Variants in STK3 observed in about 807,000 individuals in gnomAD.
STK3 encodes the protein serine/threonine kinase 3, also known as serine/threonine-protein kinase 3.
A neutral mutation model predicts 58.0 loss-of-function variants in STK3; 41 were observed. That is an observed-to-expected ratio of 0.71 (90% CI 0.55 to 0.92). The LOEUF is 0.92. STK3 is among the 40% of genes least tolerant of loss of function. The pLI is 0.00. For synonymous variants in STK3, 170 were observed against 191.0 expected, an observed-to-expected ratio of 0.89 and a Z score of 0.91; for missense variants, 479 against 602.7, an observed-to-expected ratio of 0.79 and a Z score of 2.15.
intron 1 of STK3, among the ~76,000 whole-genome samples, chr8:98,384,163 C>T (rs1817767297): frequency 6.6e-6 from 1 of 152,226 alleles, no homozygotes; most frequent in Non-Finnish European, 1.5e-5. Context: ...GACGTTTCCA[C>T]TTTGGCCTCT....
chr8:98,398,559 A>T (rs1241117426), downstream of STK3, among the ~76,000 whole-genome samples: 1 of 152,160 alleles, frequency 6.6e-6, no homozygotes, highest in Non-Finnish European at 1.5e-5. Flanking sequence ...TCACCATCAG[A>T]CTACAGGCTG....
rs184195062 is a variant in STK3 at position 98,555,458 on chromosome 8, C to T, written c.949-7297G>A. On this transcript the variant is annotated intron_variant, in intron 8 of 10. Coordinates refer to ENST00000419617, the MANE Select transcript of STK3 (RefSeq NM_006281.4). Reference sequence around the variant, plus strand: ...CCTGTTTAGTGAGACAGTTAGACTACTCCTTAAACAGGTGTCCTAAACGGA... The same window carrying T: ...CCTGTTTAGTGAGACAGTTAGACTATTCCTTAAACAGGTGTCCTAAACGGA... Among the ~76,000 whole-genome samples the T allele has an allele frequency of 6.8e-3, 1,028 of 152,208 alleles. 8 individuals carry two copies. Among genetic ancestry groups the T allele is most frequent in the African/African-American group, 0.023 (965 of 41,564 alleles).
At chr8:98,924,869 G>A (rs1839722528) in intron 1 of STK3, among the ~76,000 whole-genome samples, 1 of 152,214 alleles carries the variant, frequency 6.6e-6, no homozygotes, top group Non-Finnish European at 1.5e-5. Flanking sequence ...CCATAGGATA[G>A]TGGAGCCTGG....
rs1186470905 is a variant in STK3, at chr8:98,893,442, GAAAGAAAGA to G, written c.-78-9617_-78-9609del. ...GGAAGGAAAGAAAGAAAGAAAGAAA[GAAAGAAAGA>G]AAGAAAGAAAGAAAGAAAGAAAGAA... On this transcript the variant is annotated intron_variant, in intron 1 of 1. Transcript: ENST00000519420. 5.1e-5 allele frequency among the ~76,000 whole-genome samples: 4 copies of G among 77,988 alleles called. No homozygotes were observed. In the Admixed American group the frequency reaches 5.8e-4, roughly 11 times the overall value. 51.2% of individuals were successfully genotyped at this position (77,988 alleles called of 152,430 possible).
chr8:98,814,663 C>G (rs1834436673), intron 1 of STK3, among the ~76,000 whole-genome samples: 1 of 152,076 alleles, frequency 6.6e-6, no homozygotes, highest in Admixed American at 6.6e-5. Flanking sequence ...TGAAACACCA[C>G]ACCTGGCAAA....
At chr8:98,785,980 C>T (rs999632610) in intron 1 of STK3, among the ~76,000 whole-genome samples, 2 of 152,138 alleles carry the variant, frequency 1.3e-5, no homozygotes, top group African/African-American at 4.8e-5. Flanking sequence ...TGTAGTGCCA[C>T]CACAGAAGGA....
At chr8:98,491,162 CGAGA>C (rs61704241) in intron 10 of STK3, among the ~76,000 whole-genome samples, 91,955 of 142,750 alleles carry the variant, frequency 0.64, 29,911 homozygotes, top group East Asian at 0.74. Context: ...AAAATAAACA[CGAGA>C]GAGAGAGAGA....
rs1267756300 is a variant in STK3, at chr8:98,772,077, A to G, written c.107+2662T>C. On this transcript the variant is annotated intron_variant, in intron 2 of 10. Transcript: ENST00000419617. Reference sequence around the variant, plus strand: ...ACTAAAACTTTTAATTAGTTTTGCTATATTCCATAGATACTGGCACAATGT... The same window carrying G: ...ACTAAAACTTTTAATTAGTTTTGCTGTATTCCATAGATACTGGCACAATGT... Among the ~76,000 whole-genome samples, 5 of 152,238 alleles carry G rather than the reference A, an allele frequency of 3.3e-5. No homozygotes were observed. The East Asian group carries it at 9.6e-4, about 29-fold the overall frequency.
intron 6 of STK3, among the ~76,000 whole-genome samples, chr8:98,664,550 CT>C (rs1405143112): frequency 6.6e-6 from 1 of 152,134 alleles, no homozygotes; most frequent in Non-Finnish European, 1.5e-5. Context: ...TCTTTGCTTC[CT>C]TCAGAACCAG....
chr8:98,453,903 T>C (rs1404759763), downstream of STK3, among the ~76,000 whole-genome samples: 3 of 152,168 alleles, frequency 2.0e-5, no homozygotes, highest in Admixed American at 6.5e-5. Context: ...GGGCAGGGTG[T>C]TTCAGTTGAT....
chr8:98,348,426 A>G, the STK3 span, among the ~76,000 whole-genome samples: 1 of 152,244 alleles, frequency 6.6e-6, no homozygotes, highest in Non-Finnish European at 1.5e-5. Context: ...ACTGGTGTTT[A>G]CTAAAATTAA....
intron 6 of STK3, among the ~76,000 whole-genome samples, chr8:98,676,942 T>C (rs1823260702): frequency 6.6e-6 from 1 of 152,166 alleles, no homozygotes; most frequent in African/African-American, 2.4e-5. Flanking sequence ...CCAGCACCCC[T>C]AAACCAATTA....
chr8:98,468,875 C>T (rs562100078), intron 10 of STK3, among the ~76,000 whole-genome samples: 58 of 152,170 alleles, frequency 3.8e-4, no homozygotes, highest in Non-Finnish European at 1.3e-4. Flanking sequence ...CTTTGGGAGG[C>T]TGAGGCAGGC....
chr8:98,530,592 G>A (rs963699330), intron 9 of STK3, among the ~76,000 whole-genome samples: 4 of 152,346 alleles, frequency 2.6e-5, no homozygotes, highest in African/African-American at 7.2e-5. Context: ...CACCTGTGCT[G>A]CTTAGAAGTC....
chr8:98,635,762 A>G (rs1005949395), intron 6 of STK3, among the ~76,000 whole-genome samples: 3 of 152,118 alleles, frequency 2.0e-5, no homozygotes, highest in Non-Finnish European at 4.4e-5. Flanking sequence ...TATATATAAC[A>G]ATAGTTCTCA....
chr8:98,399,602 C>G (rs1225031167), downstream of STK3, among the ~76,000 whole-genome samples: 2 of 152,188 alleles, frequency 1.3e-5, no homozygotes, highest in Non-Finnish European at 2.9e-5. Context: ...TCTCTCTTAG[C>G]CTCAGTTTCC....
intron 8 of STK3, chr8:98,553,313 G>A (rs1668136074): frequency 1.3e-5 from 2 of 152,176 alleles, no homozygotes; most frequent in Non-Finnish European, 2.9e-5. Context: ...TACTGTAATT[G>A]TCTATTCACT....
At chr8:98,367,270 T>G (rs1817573479), downstream of STK3, among the ~76,000 whole-genome samples, 2 of 152,224 alleles carry the variant, frequency 1.3e-5, no homozygotes, top group Admixed American at 6.5e-5. Context: ...GCTAAAAGTT[T>G]TCTTAAAAAG....
chr8:98,495,456 A>G (rs773823651), intron 10 of STK3, among the ~76,000 whole-genome samples: 16 of 152,240 alleles, frequency 1.1e-4, no homozygotes, highest in Admixed American at 3.9e-4. Flanking sequence ...TGTTTTATAA[A>G]TAGTTCCATG....
Sources: allele counts gnomAD v4.1 joint callset (sites outside exome capture counted in the v4.1 genomes callset), GRCh38; gene constraint gnomAD v4.1.1; transcripts MANE v1.5; gene names NCBI Gene and HGNC (gene_info 2026-07-23, HGNC 2026-07-21).